The following AGO2 variants were observed in gnomAD, a reference collection of about 807,000 sequenced individuals.
AGO2 encodes the protein protein argonaute-2.
AGO2 carries 5 observed loss-of-function variants against 102.3 expected under a neutral mutation model. The observed-to-expected ratio is 0.05, with a 90% CI of 0.03 to 0.10. AGO2 has a LOEUF of 0.10. Among genes scored for constraint, AGO2 ranks in the 10% least tolerant of loss-of-function variants. The probability of loss-of-function intolerance (pLI) is 1.00; values close to 1 mark genes in which losing one functional copy is unlikely to be tolerated. For missense variants in AGO2, 541 were observed against 1,183.7 expected (o/e 0.46, Z 7.97); for synonymous variants, 449 against 473.1 (o/e 0.95, Z 0.66).
chr8:140,609,327 G>C (rs749221567), intron 1 of AGO2, among the ~76,000 whole-genome samples: 1 of 152,220 alleles, frequency 6.6e-6, no homozygotes, highest in Non-Finnish European at 1.5e-5. Flanking sequence ...CCGGCAGAGC[G>C]GTGGGCGGGC....
In AGO2 at chr8:140,610,027, CTAA is replaced by C. The variant is rs1299865010; in HGVS notation, c.23-24719_23-24717del. Among the ~76,000 whole-genome samples, 3 of 56,016 alleles carry C rather than the reference CTAA, an allele frequency of 5.4e-5. No individual in the cohort carries two copies. The East Asian group carries it at 1.7e-3, about 32-fold the overall frequency. The allele number at this position is 56,016 out of a possible 152,430, so 36.7% of individuals were successfully genotyped here. A position where few individuals can be genotyped will look rare whatever the true frequency, so the allele number is the denominator to read the frequency against. The stretch of plus-strand genomic sequence containing the variant: ...TGGGAAATACAGCAAGACCTTGACT[CTAA>C]AAAAAAAAAAAAAAAAAAAAAAAGA... On this transcript the variant is annotated intron_variant, in intron 1 of 18. Transcript: ENST00000220592.
rs10661844 is a variant in AGO2 at position 140,577,207 on chromosome 8, C to CAAAAAAA, written c.216-4282_216-4276dup. 3.7e-3 allele frequency among the ~76,000 whole-genome samples: 260 copies of CAAAAAAA among 70,580 alleles called. 2 individuals are homozygous for CAAAAAAA. Among genetic ancestry groups the CAAAAAAA allele is most frequent in the African/African-American group, 8.1e-3 (129 of 15,912 alleles). The allele number at this position is 70,580 out of a possible 152,430, so 46.3% of individuals were successfully genotyped here. ...TGGGCGACAGAGCAAGACTCCATCT[C>CAAAAAAA]AAAAAAAAAAAAAAAAAAAAAGAAA... is the stretch of plus-strand genomic sequence containing the variant. On this transcript the variant is annotated intron_variant, in intron 2 of 18. Coordinates refer to ENST00000220592, the MANE Select transcript of AGO2 (RefSeq NM_012154.5).
chr8:140,568,412 C>T (rs796608263), intron 3 of AGO2, among the ~76,000 whole-genome samples: 9 of 152,238 alleles, frequency 5.9e-5, no homozygotes, highest in South Asian at 2.1e-4. Flanking sequence ...GCTGAGCCCA[C>T]GGCCTCCCTG....
upstream of AGO2, among the ~76,000 whole-genome samples, chr8:140,639,240 G>A (rs2152114476): frequency 6.6e-6 from 1 of 152,276 alleles, no homozygotes; most frequent in Non-Finnish European, 1.5e-5. Context: ...CTAGCACTTT[G>A]GGAGGCCAAG....
chr8:140,610,150 G>T (rs1296177265), intron 1 of AGO2, among the ~76,000 whole-genome samples: 1 of 151,902 alleles, frequency 6.6e-6, no homozygotes, highest in Non-Finnish European at 1.5e-5. Flanking sequence ...GGCTGCAGTG[G>T]GCTATGATCA....
At chr8:140,591,184 G>A (rs980358111) in intron 1 of AGO2, among the ~76,000 whole-genome samples, 9 of 152,242 alleles carry the variant, frequency 5.9e-5, no homozygotes, top group African/African-American at 2.2e-4. Flanking sequence ...CTGCAGGCGC[G>A]GTTCCTGGAA....
At chr8:140,607,618 G>A (rs2133060492) in intron 1 of AGO2, among the ~76,000 whole-genome samples, 1 of 151,774 alleles carries the variant, frequency 6.6e-6, no homozygotes, top group Middle Eastern at 3.4e-3. Flanking sequence ...AAAAGGAATG[G>A]GGCACTGGCA....
chr8:140,562,781 G>A (rs1196273815), intron 3 of AGO2, 147 bp from the exon 4 acceptor site: 4 of 798,336 alleles, frequency 5.0e-6, no homozygotes, highest in Admixed American at 2.8e-5. Flanking sequence ...TGTGGCTATG[G>A]AGCACTTGAA....
intron 16 of AGO2, 73 bp from the exon 17 acceptor site, chr8:140,535,642 C>G: frequency 1.4e-6 from 2 of 1,458,628 alleles, no homozygotes; most frequent in Non-Finnish European, 1.9e-6. Context: ...CAGGCAGCCG[C>G]GCCGCCCGCT....
intron 1 of AGO2, among the ~76,000 whole-genome samples, chr8:140,588,666 AG>A (rs899631625): frequency 4.6e-5 from 7 of 151,418 alleles, no homozygotes; most frequent in African/African-American, 1.7e-4. Context: ...GAGGGAGGGA[AG>A]GAAGGAAGGA....
Position 140,567,096 on chromosome 8 carries a change from C to T in AGO2, c.337-4462G>A, listed in dbSNP as rs1270319692. Among the ~76,000 whole-genome samples the T allele has an allele frequency of 6.6e-6, 1 of 152,232 alleles. No homozygotes were observed. The highest frequency in any genetic ancestry group is 1.9e-4 in the East Asian group (1 of 5,194). ...CTTTCAAAAACCTCTGTAGTCAACA[C>T]CGAGGGGCAATGGCAAGGGGTCTAT... On this transcript the variant is annotated intron_variant, in intron 3 of 18. Transcript: ENST00000220592. The surrounding 1 kb of genome is among the most constrained non-coding windows in gnomAD (Gnocchi z 5.0).
intron 1 of AGO2, among the ~76,000 whole-genome samples, chr8:140,627,967 C>T (rs1428522607): frequency 6.6e-6 from 1 of 152,222 alleles, no homozygotes; most frequent in Non-Finnish European, 1.5e-5. Context: ...TCCTCCCTCC[C>T]TCAATTCCAC....
At chr8:140,573,129 C>T (rs2073410618) in intron 2 of AGO2, among the ~76,000 whole-genome samples, 197 bp from the exon 3 acceptor site, 1 of 151,626 alleles carries the variant, frequency 6.6e-6, no homozygotes, top group South Asian at 2.1e-4. Flanking sequence ...CCTCCCTTAA[C>T]CTCACAAGTA....
At chr8:140,579,697 A>C (rs1388104646) in intron 2 of AGO2, among the ~76,000 whole-genome samples, 1 of 151,778 alleles carries the variant, frequency 6.6e-6, no homozygotes, top group Non-Finnish European at 1.5e-5. Context: ...GTCATCCTAT[A>C]CATCTCCTTG....
At chr8:140,577,191 G>C (rs750417634) in intron 2 of AGO2, among the ~76,000 whole-genome samples, 3 of 118,042 alleles carry the variant, frequency 2.5e-5, no homozygotes, top group Non-Finnish European at 4.9e-5. Flanking sequence ...CTGGGCGACA[G>C]AGCAAGACTC....
intron 10 of AGO2, among the ~76,000 whole-genome samples, chr8:140,553,655 T>C (rs2073044547): frequency 6.6e-6 from 1 of 151,944 alleles, no homozygotes. Flanking sequence ...GTGATCTGCC[T>C]GCCTCAGCCT....
At chr8:140,606,229 G>C (rs1478665860) in intron 1 of AGO2, among the ~76,000 whole-genome samples, 1 of 152,188 alleles carries the variant, frequency 6.6e-6, no homozygotes, top group Non-Finnish European at 1.5e-5. Flanking sequence ...TGATGCCTAA[G>C]GAGGGGACCC....
rs1223083546 is a variant in AGO2, at chr8:140,527,141, C to T, written c.*4903G>A. On this transcript the variant is annotated 3_prime_UTR_variant, in exon 19 of 19. Transcript: ENST00000220592. The surrounding 1 kb of genome is among the most constrained non-coding windows in gnomAD (Gnocchi z 6.0). The stretch of plus-strand genomic sequence containing the variant: ...CACAACAGTGTTCACAAGACTGCAA[C>T]GAGTCTGCTTAGGACTAAATCATCA... 6.6e-6 allele frequency: 1 copy of T among 152,200 alleles called. No individual in the cohort carries two copies. Among genetic ancestry groups the T allele is most frequent in the Admixed American group, 6.5e-5 (1 of 15,270 alleles). The allele number at this position is 152,200 out of a possible 1,614,324, so 9.4% of individuals were successfully genotyped here.
intron 1 of AGO2, among the ~76,000 whole-genome samples, chr8:140,604,363 T>C (rs2073967158): frequency 6.6e-6 from 1 of 152,226 alleles, no homozygotes; most frequent in Non-Finnish European, 1.5e-5. Flanking sequence ...GCTAATTATG[T>C]GTATACAAAT....
Sources: allele counts gnomAD v4.1 joint callset (sites outside exome capture counted in the v4.1 genomes callset), GRCh38; gene constraint gnomAD v4.1.1; non-coding constraint Gnocchi (gnomAD v3.1); transcripts MANE v1.5; gene names NCBI Gene and HGNC (gene_info 2026-07-23, HGNC 2026-07-21).